The following RAP1GAP2 variants were observed in gnomAD, a reference collection of about 807,000 sequenced individuals.
RAP1GAP2 encodes the protein rap1 GTPase-activating protein 2.
In RAP1GAP2, 27 loss-of-function variants were observed where a neutral mutation model predicts 95.0. That is an observed-to-expected ratio of 0.28 (90% CI 0.21 to 0.39). The LOEUF (loss-of-function observed/expected upper bound fraction) is 0.39, where lower values mean the gene tolerates loss of function less well. Ranked by LOEUF, RAP1GAP2 falls within the 10% of genes least tolerant of loss-of-function variation. RAP1GAP2 has a pLI of 1.00. For synonymous variants in RAP1GAP2, 373 were observed against 380.9 expected, an observed-to-expected ratio of 0.98 and a Z score of 0.24; for missense variants, 771 against 970.0, an observed-to-expected ratio of 0.79 and a Z score of 2.72.
chr17:2,868,457 T>C (rs984749267), intron 2 of RAP1GAP2, among the ~76,000 whole-genome samples: 6 of 152,012 alleles, frequency 3.9e-5, no homozygotes, highest in African/African-American at 2.4e-5. Context: ...CTAAGACTAA[T>C]GAAAGTCTTT....
At chr17:3,030,443 G>T (rs936191631) in intron 22 of RAP1GAP2, among the ~76,000 whole-genome samples, 12 of 152,114 alleles carry the variant, frequency 7.9e-5, no homozygotes, top group African/African-American at 2.9e-4. Context: ...ATCAAGTCAT[G>T]ATTTGTAGCA....
At chr17:3,028,586 G>T (rs1384331264) in intron 22 of RAP1GAP2, among the ~76,000 whole-genome samples, 1 of 152,160 alleles carries the variant, frequency 6.6e-6, no homozygotes, top group Admixed American at 6.5e-5. Context: ...AAGGGAACCT[G>T]CAGGGTCAGA....
At chr17:2,989,697 T>C (rs2045687924) in intron 11 of RAP1GAP2, among the ~76,000 whole-genome samples, 1 of 152,164 alleles carries the variant, frequency 6.6e-6, no homozygotes, top group African/African-American at 2.4e-5. Flanking sequence ...TTAAAAACAT[T>C]TTTAAAAATA....
At chr17:2,959,792 C>T (rs934533716) in intron 4 of RAP1GAP2, among the ~76,000 whole-genome samples, 4 of 152,100 alleles carry the variant, frequency 2.6e-5, no homozygotes, top group Non-Finnish European at 5.9e-5. Flanking sequence ...CCCTTCTGAG[C>T]CTTAATTTCT....
chr17:2,901,672 A>G (rs34969693), intron 2 of RAP1GAP2, among the ~76,000 whole-genome samples: 5,034 of 151,912 alleles, frequency 0.033, 122 homozygotes, highest in Middle Eastern at 0.078. Flanking sequence ...CGTGTGTGAT[A>G]TGTTTGCCTG....
At chr17:2,775,415 T>G (rs1316414097), upstream of RAP1GAP2, among the ~76,000 whole-genome samples, 1 of 149,176 alleles carries the variant, frequency 6.7e-6, no homozygotes, top group Admixed American at 6.9e-5. Context: ...AAGTGACATG[T>G]GAGCTGAGTC....
chr17:3,026,752 G>T (rs779923421), intron 21 of RAP1GAP2, among the ~76,000 whole-genome samples, 192 bp from the exon 22 acceptor site: 5 of 152,200 alleles, frequency 3.3e-5, no homozygotes, highest in Non-Finnish European at 7.3e-5. Flanking sequence ...GTGCCCCAGG[G>T]GGCTGGGTCA....
chr17:2,756,079 G>A (rs1190951973), intron 1 of RAP1GAP2, among the ~76,000 whole-genome samples: 2 of 152,316 alleles, frequency 1.3e-5, no homozygotes, highest in Non-Finnish European at 1.5e-5. Context: ...CACCTTTCAC[G>A]CTCGCACGGG....
At chr17:2,932,372 G>T (rs1373796722) in intron 3 of RAP1GAP2, among the ~76,000 whole-genome samples, 11 of 152,002 alleles carry the variant, frequency 7.2e-5, no homozygotes, top group Non-Finnish European at 1.5e-5. Context: ...AGTGGAGGAG[G>T]AGGGAGACTG....
At chr17:2,865,188 A>G (rs1409260173) in intron 2 of RAP1GAP2, among the ~76,000 whole-genome samples, 1 of 152,170 alleles carries the variant, frequency 6.6e-6, no homozygotes, top group African/African-American at 2.4e-5. Flanking sequence ...CCCGTGCTAC[A>G]GTCCAATGAA....
chr17:2,907,353 A>G (rs1273447288), intron 3 of RAP1GAP2, among the ~76,000 whole-genome samples: 2 of 152,206 alleles, frequency 1.3e-5, no homozygotes, highest in Admixed American at 6.5e-5. Flanking sequence ...TTTCCGCCAC[A>G]TGTGCGCATG....
chr17:2,901,039 C>T (rs1032715134), intron 2 of RAP1GAP2, among the ~76,000 whole-genome samples: 2 of 152,222 alleles, frequency 1.3e-5, no homozygotes, highest in Non-Finnish European at 2.9e-5. Flanking sequence ...TGTCTAGCTC[C>T]GTCTGGGTGA....
chr17:2,991,482 G>A (rs1048296536), intron 12 of RAP1GAP2, 85 bp downstream of exon 12: 11 of 1,038,812 alleles, frequency 1.1e-5, no homozygotes, highest in South Asian at 5.7e-5. Context: ...CAGGGAGCAC[G>A]TGTGAGTTAA....
rs1313987217 is a variant in RAP1GAP2 at position 2,921,686 on chromosome 17, TA to T, written c.165+16320del. Among the ~76,000 whole-genome samples the T allele has an allele frequency of 9.2e-3, 827 of 89,592 alleles. 9 individuals carry two copies. The highest frequency in any genetic ancestry group is 0.05 in the African/African-American group (760 of 15,072). The allele number at this position is 89,592 out of a possible 152,430, so 58.8% of individuals were successfully genotyped here. A position where few individuals can be genotyped will look rare whatever the true frequency, so the allele number is the denominator to read the frequency against. The stretch of plus-strand genomic sequence containing the variant: ...GCCGTTAAGGTGTCAGCAGGGCCGT[TA>T]AGGTGTCCGCAGGGCCGTTATGTGT... On this transcript the variant is annotated intron_variant, in intron 3 of 24. Transcript: ENST00000254695.
intron 17 of RAP1GAP2, among the ~76,000 whole-genome samples, chr17:3,014,133 GCGTGTGGCTGC>G: frequency 4.6e-5 from 1 of 21,662 alleles, no homozygotes; most frequent in South Asian, 1.1e-3. Context: ...CGGCTATAGA[GCGTGTGGCTGC>G]CAGCACAGAC....
Position 2,981,222 on chromosome 17 carries a change from A to G in RAP1GAP2, c.703A>G (p.Arg235Gly). The change falls in exon 10 of 25, where the codon AGA becomes GGA. Residue 235 changes from arginine to glycine, a missense_variant. Coordinates refer to ENST00000254695, the MANE Select transcript of RAP1GAP2 (RefSeq NM_015085.5). ...KAFCDDAVGL[R>G]FNPVLYPKAS... ...TTTCTGTGATGATGCAGTGGGACTG[A>G]GATTCAATCCTGTCCTGTACCCCAA... 6.2e-7 allele frequency: 1 copy of G among 1,612,648 alleles called. No homozygotes were observed. The highest frequency in any genetic ancestry group is 8.5e-7 in the Non-Finnish European group (1 of 1,179,274).
intron 1 of RAP1GAP2, among the ~76,000 whole-genome samples, chr17:2,768,996 G>T (rs1219421677): frequency 6.6e-6 from 1 of 151,732 alleles, no homozygotes; most frequent in Admixed American, 6.6e-5. Flanking sequence ...GGAGGCCCAG[G>T]CAGGAAGATC....
At chr17:2,815,350 C>T (rs902584233) in intron 2 of RAP1GAP2, among the ~76,000 whole-genome samples, 2 of 152,062 alleles carry the variant, frequency 1.3e-5, no homozygotes, top group African/African-American at 2.4e-5. Flanking sequence ...AGTACCTGCA[C>T]GTGGGTGCGC....
At chr17:2,829,583 G>A (rs564004267) in intron 2 of RAP1GAP2, among the ~76,000 whole-genome samples, 4 of 152,214 alleles carry the variant, frequency 2.6e-5, no homozygotes, top group African/African-American at 9.6e-5. Context: ...CAGAACAGCT[G>A]CACAAGAGCT....
Sources: gnomAD v4.1 joint callset for allele counts (sites outside exome capture counted in the v4.1 genomes callset) on GRCh38, gnomAD v4.1.1 for gene constraint, MANE v1.5 for transcripts, NCBI Gene and HGNC (gene_info 2026-07-23, HGNC 2026-07-21) for gene names.